GGA2: variants seen among roughly 807,000 people sequenced by gnomAD.
GGA2 encodes the protein golgi associated, gamma adaptin ear containing, ARF binding protein 2.
GGA2 carries 48 observed loss-of-function variants against 79.5 expected under a neutral mutation model. The observed-to-expected ratio is 0.60, with a 90% CI of 0.48 to 0.77. GGA2 has a LOEUF of 0.77. GGA2 is among the 30% of genes least tolerant of loss of function. GGA2 has a pLI of 0.00. For missense variants in GGA2, 770 were observed against 774.0 expected (o/e 0.99, Z 0.06); for synonymous variants, 317 against 302.0 (o/e 1.05, Z -0.51).
chr16:23,478,376 C>G lies in GGA2; in HGVS notation c.1284G>C (p.Pro428=). The change falls in exon 13 of 17, where the codon CCG becomes CCC. Residue 428 remains proline, a synonymous_variant. Coordinates refer to ENST00000309859, the MANE Select transcript of GGA2 (RefSeq NM_015044.4). ...LLDLLSAQPA[P]CPLNYVSQKS... is the part of the protein sequence containing the mutation. ...TTGCCCAGAAGACTCACAGAGGGCA[C>G]GGAGCTGGCTGTGCTGAGAGGAGGT... The G allele has an allele frequency of 1.3e-6, 2 of 1,593,742 alleles. No individual in the cohort carries two copies. Among genetic ancestry groups the G allele is most frequent in the Non-Finnish European group, 1.7e-6 (2 of 1,168,462 alleles).
chr16:23,467,793 T>G (rs947180949), intron 16 of GGA2, 93 bp from the exon 17 acceptor site: 29 of 721,290 alleles, frequency 4.0e-5, no homozygotes, highest in Non-Finnish European at 7.5e-5. Flanking sequence ...CAAACAATTC[T>G]GACACAAAAT....
intron 14 of GGA2, among the ~76,000 whole-genome samples, chr16:23,470,778 CCACA>C (rs1157858416): frequency 1.3e-5 from 2 of 149,794 alleles, no homozygotes; most frequent in South Asian, 2.1e-4. Flanking sequence ...AAACAAAAAG[CCACA>C]CACACACAAA....
At chr16:23,501,892 T>C (rs1964925595) in intron 1 of GGA2, among the ~76,000 whole-genome samples, 1 of 152,088 alleles carries the variant, frequency 6.6e-6, no homozygotes, top group Admixed American at 6.6e-5. Context: ...TGGGTCCAGA[T>C]GGCATTCCTA....
rs1270689539 is a variant in GGA2, at chr16:23,510,433, G to T, written c.-22C>A. The T allele has an allele frequency of 1.0e-6, 1 of 963,070 alleles. No individual in the cohort carries two copies. Among genetic ancestry groups the T allele is most frequent in the Non-Finnish European group, 1.4e-6 (1 of 725,008 alleles). 59.7% of individuals were successfully genotyped at this position (963,070 alleles called of 1,614,324 possible). On this transcript the variant is annotated 5_prime_UTR_variant, in exon 1 of 17. Coordinates refer to ENST00000309859, the MANE Select transcript of GGA2 (RefSeq NM_015044.4). Reference sequence around the variant, plus strand: ...CCATCGCTCCAGCCCCGACGCTGCGGCCGCGGGCGCCACTGCCTCTTCAGC... The same window carrying T: ...CCATCGCTCCAGCCCCGACGCTGCGTCCGCGGGCGCCACTGCCTCTTCAGC...
chr16:23,504,962 C>A (rs1223612755), intron 1 of GGA2, among the ~76,000 whole-genome samples: 1 of 152,200 alleles, frequency 6.6e-6, no homozygotes, highest in Non-Finnish European at 1.5e-5. Context: ...AGAAGCCAAA[C>A]CATCCCACGT....
chr16:23,495,927 C>T (rs567733169), intron 1 of GGA2, 149 bp from the exon 2 acceptor site: 9 of 539,064 alleles, frequency 1.7e-5, no homozygotes, highest in African/African-American at 3.8e-5. Flanking sequence ...ATTGTGCCTG[C>T]GCTGCCTACC....
chr16:23,504,955 A>C (rs1964958084), intron 1 of GGA2, among the ~76,000 whole-genome samples: 1 of 152,206 alleles, frequency 6.6e-6, no homozygotes, highest in Admixed American at 6.5e-5. Context: ...CTAATTCAGA[A>C]GCCAAACCAT....
intron 14 of GGA2, among the ~76,000 whole-genome samples, chr16:23,472,183 G>A (rs955761018): frequency 3.4e-5 from 4 of 117,902 alleles, no homozygotes; most frequent in Admixed American, 1.0e-4. Context: ...TTGTAGCCCT[G>A]GTTTTTTTTT....
At chr16:23,489,317 C>A (rs1332416560) in intron 5 of GGA2, among the ~76,000 whole-genome samples, 6 of 152,196 alleles carry the variant, frequency 3.9e-5, no homozygotes, top group African/African-American at 1.4e-4. Context: ...TCGCTGCAGC[C>A]TCAAACTCCT....
At chr16:23,505,132 C>G (rs770619338) in intron 1 of GGA2, among the ~76,000 whole-genome samples, 50 of 152,186 alleles carry the variant, frequency 3.3e-4, no homozygotes, top group Admixed American at 3.3e-3. Flanking sequence ...GGGAGGGACA[C>G]GTGGACCCCA....
intron 15 of GGA2, chr16:23,469,397 T>C (rs904678289): frequency 5.4e-6 from 1 of 185,110 alleles, no homozygotes; most frequent in Non-Finnish European, 1.2e-5. Flanking sequence ...AGGACTACCG[T>C]AAGAAGTAGA....
At chr16:23,522,440 T>C (rs1965154221), upstream of GGA2, 1 of 152,308 alleles carries the variant, frequency 6.6e-6, no homozygotes, top group Non-Finnish European at 1.5e-5. Context: ...TTAGCTCCTG[T>C]AGCTAGTTCC....
chr16:23,469,004 G>T lies in GGA2; in HGVS notation c.1621-8C>A, dbSNP rs1302694076. On this transcript the variant is annotated splice_region_variant and splice_polypyrimidine_tract_variant and intron_variant, in intron 15 of 16. Coordinates refer to ENST00000309859, the MANE Select transcript of GGA2 (RefSeq NM_015044.4). ...CAGCTTCACTCTCATTGACTATCAG[G>T]GGAAGAAAACCAACATGTAACTCAT... 1.9e-6 allele frequency: 3 copies of T among 1,568,192 alleles called. No homozygotes were observed. The highest frequency in any genetic ancestry group is 2.6e-6 in the Non-Finnish European group (3 of 1,138,492).
chr16:23,476,587 GAT>G (rs1964578904), intron 13 of GGA2, among the ~76,000 whole-genome samples: 1 of 152,140 alleles, frequency 6.6e-6, no homozygotes, highest in African/African-American at 2.4e-5. Flanking sequence ...TATAGAAACT[GAT>G]ATGAAATGCA....
chr16:23,478,915 T>C lies in GGA2; in HGVS notation c.1130-4A>G. On this transcript the variant is annotated splice_region_variant and splice_polypyrimidine_tract_variant and intron_variant, in intron 11 of 16. Transcript: ENST00000309859. ...GTAACAGGAGCATCACTGATTCCTG[T>C]AAGAAAGGAGTAGAGTGAGATGCCT... The C allele has an allele frequency of 1.3e-6, 2 of 1,599,012 alleles. No individual in the cohort carries two copies. The highest frequency in any genetic ancestry group is 8.6e-7 in the Non-Finnish European group (1 of 1,166,548).
Position 23,493,373 on chromosome 16 carries a change from A to G in GGA2, c.338T>C (p.Val113Ala). 1 of 1,600,352 alleles carries G rather than the reference A, an allele frequency of 6.2e-7. No individual in the cohort carries two copies. The highest frequency in any genetic ancestry group is 8.6e-7 in the Non-Finnish European group (1 of 1,167,442). Residue 113 changes from valine to alanine, a missense_variant, in exon 4 of 17, where the codon GTG becomes GCG. Physicochemically the swap from Val to Ala is moderately conservative, Grantham distance 64. Transcript: ENST00000309859. ...KFRFLNELIK[V>A]LSPKYLGSWA... is the part of the protein sequence containing the mutation. ...CCAGGTACTCACCTTTGGGGACAAC[A>G]CTTTGATCAGTTCGTTCAGGAAACG...
chr16:23,518,243 C>G (rs1158139556), intron 2 of GGA2, among the ~76,000 whole-genome samples: 1 of 152,120 alleles, frequency 6.6e-6, no homozygotes. Flanking sequence ...GAATCTCACT[C>G]TGTCACCAGG....
chr16:23,469,979 C>A lies in GGA2; in HGVS notation c.1620+17G>T. The A allele has an allele frequency of 6.7e-7, 1 of 1,488,252 alleles. No homozygotes were observed. The highest frequency in any genetic ancestry group is 9.0e-7 in the Non-Finnish European group (1 of 1,114,650). The allele number at this position is 1,488,252 out of a possible 1,614,324, so 92.2% of individuals were successfully genotyped here. ...AAACGACAGCCATTACTGAGAAATC[C>A]CCAACAGATGACTCACCTTTGGCAC... On this transcript the variant is annotated intron_variant, in intron 15 of 16. Coordinates refer to ENST00000309859, the MANE Select transcript of GGA2 (RefSeq NM_015044.4).
In GGA2 at chr16:23,510,270, G is replaced by A. The variant is rs772497626; in HGVS notation, c.91+51C>T. Reference sequence around the variant, plus strand: ...CAAGGCCCCGGGAGGCGGGAAGCGAGGCCTCACGTGCGGCGCAGCGGCTGC... The same window carrying A: ...CAAGGCCCCGGGAGGCGGGAAGCGAAGCCTCACGTGCGGCGCAGCGGCTGC... On this transcript the variant is annotated intron_variant, in intron 1 of 16. Coordinates refer to ENST00000309859, the MANE Select transcript of GGA2 (RefSeq NM_015044.4). 5 of 1,202,960 alleles carry A rather than the reference G, an allele frequency of 4.2e-6. No homozygotes were observed. In the African/African-American group the frequency reaches 8.0e-5, roughly 19 times the overall value. The allele number at this position is 1,202,960 out of a possible 1,614,324, so 74.5% of individuals were successfully genotyped here.
Sources: allele counts gnomAD v4.1 joint callset (sites outside exome capture counted in the v4.1 genomes callset), GRCh38; gene constraint gnomAD v4.1.1; transcripts MANE v1.5; gene names NCBI Gene and HGNC (gene_info 2026-07-23, HGNC 2026-07-21).